The following PHTF2 variants were observed in gnomAD, a reference collection of about 807,000 sequenced individuals.
PHTF2 encodes protein PHTF2.
Under a neutral mutation model 101.2 loss-of-function variants are expected in PHTF2, and 60 were observed. The observed-to-expected ratio is 0.59, with a 90% CI of 0.48 to 0.73. The LOEUF (loss-of-function observed/expected upper bound fraction) is 0.73, where lower values mean the gene tolerates loss of function less well. Among genes scored for constraint, PHTF2 ranks in the 30% least tolerant of loss-of-function variants. The pLI is 0.00. For missense variants in PHTF2, 747 were observed against 908.7 expected, an observed-to-expected ratio of 0.82 and a Z score of 2.29; for synonymous variants, 311 against 307.3, an observed-to-expected ratio of 1.01 and a Z score of -0.13.
At chr7:77,887,621 A>T (rs1799982902) in intron 3 of PHTF2, among the ~76,000 whole-genome samples, 1 of 152,202 alleles carries the variant, frequency 6.6e-6, no homozygotes. Context: ...GTGGGAAGAA[A>T]ATCTTTAATT....
At chr7:77,922,571 A>G in intron 10 of PHTF2, 52 bp from the exon 10 acceptor site, 1 of 1,479,198 alleles carries the variant, frequency 6.8e-7, no homozygotes, top group East Asian at 2.3e-5. Flanking sequence ...TTTAAAAGCT[A>G]AAAGGTTGGT....
At chr7:77,903,620 C>T (rs762024513) in intron 7 of PHTF2, among the ~76,000 whole-genome samples, 1 of 152,188 alleles carries the variant, frequency 6.6e-6, no homozygotes, top group Non-Finnish European at 1.5e-5. Flanking sequence ...TTTTTAAGTT[C>T]AGAATCCAAG....
chr7:77,876,476 A>C (rs1226081583), intron 3 of PHTF2, among the ~76,000 whole-genome samples: 2 of 152,206 alleles, frequency 1.3e-5, no homozygotes, highest in Non-Finnish European at 2.9e-5. Flanking sequence ...GATGAAGTTC[A>C]TGTCTTTTGA....
chr7:77,953,031 A>G (rs550400500), intron 18 of PHTF2, among the ~76,000 whole-genome samples: 1 of 152,126 alleles, frequency 6.6e-6, no homozygotes, highest in Non-Finnish European at 1.5e-5. Flanking sequence ...TTGCTGGCCC[A>G]ATGATCTTTC....
intron 3 of PHTF2, among the ~76,000 whole-genome samples, chr7:77,866,293 T>C (rs1007439270): frequency 6.6e-6 from 1 of 152,134 alleles, no homozygotes; most frequent in Non-Finnish European, 1.5e-5. Context: ...TAAAAGGATT[T>C]TGTAGTCAAA....
At chr7:77,830,744 C>T (rs150742150) in intron 1 of PHTF2, among the ~76,000 whole-genome samples, 49 of 152,326 alleles carry the variant, frequency 3.2e-4, no homozygotes, top group Non-Finnish European at 6.0e-4. Flanking sequence ...AAAACCCTGT[C>T]AGTGAGTTGA....
intron 16 of PHTF2, among the ~76,000 whole-genome samples, chr7:77,947,550 G>A (rs746216931): frequency 3.3e-5 from 5 of 151,912 alleles, no homozygotes; most frequent in Non-Finnish European, 5.9e-5. Context: ...GCGACAGAGT[G>A]AGACTCAGTC....
At chr7:77,882,396 A>G (rs1459286592) in intron 3 of PHTF2, among the ~76,000 whole-genome samples, 3 of 152,130 alleles carry the variant, frequency 2.0e-5, no homozygotes, top group Admixed American at 2.0e-4. Context: ...TTTGCCTTCT[A>G]CTCAAGTAGC....
intron 1 of PHTF2, among the ~76,000 whole-genome samples, chr7:77,829,069 C>A (rs575285236): frequency 6.6e-6 from 1 of 152,208 alleles, no homozygotes; most frequent in African/African-American, 2.4e-5. Context: ...GTAGTCCCAG[C>A]TACTCGAGAG....
At chr7:77,895,596 TATAA>T (rs1229368288) in intron 5 of PHTF2, among the ~76,000 whole-genome samples, 2 of 152,138 alleles carry the variant, frequency 1.3e-5, no homozygotes, top group East Asian at 3.8e-4. Flanking sequence ...AAAAAATATA[TATAA>T]ATAATTTTTT....
chr7:77,871,169 GTC>G (rs1016778724), intron 3 of PHTF2, among the ~76,000 whole-genome samples: 122 of 152,192 alleles, frequency 8.0e-4, no homozygotes, highest in African/African-American at 2.8e-3. Context: ...TTCCTGAATG[GTC>G]TCGGGGTCAT....
chr7:77,897,935 G>C (rs1801021988), intron 5 of PHTF2, among the ~76,000 whole-genome samples: 2 of 151,162 alleles, frequency 1.3e-5, no homozygotes. Context: ...GCCCACCTCA[G>C]CCTCTCAAAG....
intron 12 of PHTF2, among the ~76,000 whole-genome samples, chr7:77,932,068 T>C (rs1804619269): frequency 6.6e-6 from 1 of 152,054 alleles, no homozygotes; most frequent in Non-Finnish European, 1.5e-5. Flanking sequence ...GCTATTGCAC[T>C]CCAGCCTGAG....
intron 3 of PHTF2, among the ~76,000 whole-genome samples, chr7:77,888,427 G>C (rs959630786): frequency 9.2e-5 from 14 of 152,068 alleles, no homozygotes; most frequent in Admixed American, 9.2e-4. Context: ...AGAATGTTAG[G>C]TACTTTTAAA....
chr7:77,862,620 A>G (rs1203852651), intron 3 of PHTF2, among the ~76,000 whole-genome samples: 6 of 152,202 alleles, frequency 3.9e-5, no homozygotes, highest in Admixed American at 3.9e-4. Flanking sequence ...AAAGCTTCTT[A>G]TACCTGTGGG....
intron 3 of PHTF2, among the ~76,000 whole-genome samples, chr7:77,873,604 A>G (rs1798701829): frequency 6.6e-6 from 1 of 152,146 alleles, no homozygotes; most frequent in Admixed American, 6.5e-5. Context: ...CTCAGGCAGC[A>G]CAAGGTTTAT....
At position 77,887,103 on chromosome 7, in the gene PHTF2, G is replaced by T. The variant is rs137905360; in HGVS notation, c.148-6505G>T. Among the ~76,000 whole-genome samples, 179 of 150,736 alleles carry T rather than the reference G, an allele frequency of 1.2e-3. 2 individuals carry two copies. The highest frequency in any genetic ancestry group is 4.0e-3 in the African/African-American group (166 of 41,082). On this transcript the variant is annotated intron_variant, in intron 3 of 19. Coordinates refer to ENST00000416283, the Ensembl canonical transcript of PHTF2. ...TGAATATAAGGCAGAAAGGAAAAGT[G>T]CTGTTGTCTTTGGTACTTCTCAGAG...
chr7:77,832,663 T>G (rs1584431236), intron 1 of PHTF2, among the ~76,000 whole-genome samples: 1 of 152,206 alleles, frequency 6.6e-6, no homozygotes, highest in East Asian at 1.9e-4. Context: ...AAAATGAGAT[T>G]ATGGAATAGA....
At chr7:77,850,328 T>TCTAGCCTGAAAGACAAAGCAAGACG (rs1796641032) in intron 2 of PHTF2, among the ~76,000 whole-genome samples, 1 of 110,306 alleles carries the variant, frequency 9.1e-6, no homozygotes, top group South Asian at 3.0e-4. Flanking sequence ...ACCACTGCAC[T>TCTAGCCTGAAAGACAAAGCAAGACG]CTAGCCTGAA....
Sources: gnomAD v4.1 joint callset for allele counts (sites outside exome capture counted in the v4.1 genomes callset) on GRCh38, gnomAD v4.1.1 for gene constraint, MANE v1.5 for transcripts, NCBI Gene and HGNC (gene_info 2026-07-23, HGNC 2026-07-21) for gene names.